Variants in MITF observed in about 807,000 individuals in gnomAD.
MITF encodes microphthalmia-associated transcription factor.
MITF carries 17 observed loss-of-function variants against 60.5 expected under a neutral mutation model. That is an observed-to-expected ratio of 0.28 (90% CI 0.19 to 0.42). MITF has a LOEUF of 0.42. Among genes scored for constraint, MITF ranks in the 10% least tolerant of loss-of-function variants. The pLI is 1.00. For missense variants in MITF, 622 were observed against 683.5 expected (o/e 0.91, Z 1.00); for synonymous variants, 260 against 248.5 (o/e 1.05, Z -0.43).
chr3:69,874,241 A>G (rs1017569152), intron 1 of MITF, among the ~76,000 whole-genome samples: 1 of 152,246 alleles, frequency 6.6e-6, no homozygotes, highest in African/African-American at 2.4e-5. Context: ...AGATTTGCAG[A>G]ATAAATTATC....
At chr3:69,846,157 A>ATT (rs2063729275) in intron 1 of MITF, among the ~76,000 whole-genome samples, 1 of 101,678 alleles carries the variant, frequency 9.8e-6, no homozygotes. Context: ...TTTAACAGAG[A>ATT]TCTAAATTAA....
chr3:69,753,711 A>G (rs978571292), intron 1 of MITF, among the ~76,000 whole-genome samples: 8 of 152,334 alleles, frequency 5.3e-5, no homozygotes, highest in Admixed American at 2.0e-4. Flanking sequence ...TTAAGACTTA[A>G]TGACTGCCCT....
At position 69,965,249 on chromosome 3, in the gene MITF, C is replaced by T. The variant is rs773498863; in HGVS notation, c.*1C>T. On this transcript the variant is annotated 3_prime_UTR_variant, in exon 10 of 10. Transcript: ENST00000352241. ...GGAAGAGACGGAGCACACTTGTTAG[C>T]GAATCCTCCCTGCACTGCATTCGCA... The T allele has an allele frequency of 6.8e-6, 11 of 1,613,548 alleles. No homozygotes were observed. Among genetic ancestry groups the T allele is most frequent in the African/African-American group, 2.7e-5 (2 of 74,912 alleles).
chr3:69,931,915 T>G (rs937895713), intron 2 of MITF, among the ~76,000 whole-genome samples: 3 of 152,222 alleles, frequency 2.0e-5, no homozygotes, highest in African/African-American at 7.2e-5. Flanking sequence ...GCAAGTTGTT[T>G]AGGTTTCCTC....
intron 1 of MITF, among the ~76,000 whole-genome samples, chr3:69,745,250 A>T (rs768166512): frequency 6.6e-6 from 1 of 152,148 alleles, no homozygotes; most frequent in Non-Finnish European, 1.5e-5. Flanking sequence ...TGGGGCCTGG[A>T]GTTAAACTGA....
chr3:69,869,793 T>C (rs912115395), intron 1 of MITF, among the ~76,000 whole-genome samples: 2 of 152,098 alleles, frequency 1.3e-5, no homozygotes, highest in Non-Finnish European at 2.9e-5. Context: ...AAGGAACCGA[T>C]AGGCTGAATC....
intron 1 of MITF, among the ~76,000 whole-genome samples, chr3:69,825,833 A>G (rs566999654): frequency 3.8e-4 from 58 of 152,318 alleles, no homozygotes; most frequent in African/African-American, 1.4e-3. Context: ...ACACAAAAAT[A>G]TAGCAAAACA....
chr3:69,930,987 G>A (rs1483963416), intron 2 of MITF, among the ~76,000 whole-genome samples: 1 of 152,204 alleles, frequency 6.6e-6, no homozygotes, highest in African/African-American at 2.4e-5. Flanking sequence ...CAATCAGAAA[G>A]CTATGATACA....
chr3:69,785,307 A>C (rs1043343819), intron 1 of MITF, among the ~76,000 whole-genome samples: 2 of 152,160 alleles, frequency 1.3e-5, no homozygotes, highest in African/African-American at 4.8e-5. Context: ...ATTTAACAGC[A>C]GTAGTGAGCA....
intron 2 of MITF, among the ~76,000 whole-genome samples, chr3:69,892,554 T>C (rs2064783390): frequency 6.6e-6 from 1 of 152,208 alleles, no homozygotes; most frequent in Admixed American, 6.5e-5. Context: ...AGACAGTATT[T>C]TTACTGCCAT....
rs117453182 is a variant in MITF, at chr3:69,899,759, G to A, written c.354+20376G>A. 3.7e-4 allele frequency among the ~76,000 whole-genome samples: 57 copies of A among 152,240 alleles called. No individual in the cohort carries two copies. The East Asian group carries it at 8.3e-3, about 22-fold the overall frequency. On this transcript the variant is annotated intron_variant, in intron 2 of 9. Coordinates refer to ENST00000352241, the MANE Select transcript of MITF (RefSeq NM_001354604.2). The stretch of plus-strand genomic sequence containing the variant: ...GAAGACTTGGAGAATGTCTTCTAAG[G>A]ACTGCATAAGCTATAACTTCAGGAG...
At chr3:69,760,287 A>G (rs1439889739) in intron 1 of MITF, among the ~76,000 whole-genome samples, 1 of 152,164 alleles carries the variant, frequency 6.6e-6, no homozygotes. Flanking sequence ...AGCAAAAAGC[A>G]GTAGGATTGA....
At chr3:69,815,348 C>A (rs2063165363) in intron 1 of MITF, among the ~76,000 whole-genome samples, 1 of 152,106 alleles carries the variant, frequency 6.6e-6, no homozygotes, top group African/African-American at 2.4e-5. Context: ...TTGGGTCCAC[C>A]TGTACGTGAT....
At position 69,964,691 on chromosome 3, in the gene MITF, ACTTTACATTCCC is replaced by A. The variant is rs1294376857; in HGVS notation, c.1180-155_1180-144del. Among the ~76,000 whole-genome samples, 82 of 149,178 alleles carry A rather than the reference ACTTTACATTCCC, an allele frequency of 5.5e-4. 39 individuals carry two copies. Among genetic ancestry groups the A allele is most frequent in the African/African-American group, 1.0e-3 (40 of 40,076 alleles). The stretch of plus-strand genomic sequence containing the variant: ...CATTTCATTATCCTCCAAAGTCTAT[ACTTTACATTCCC>A]TCTGGTATTGTACATTTTGTGGGTT... On this transcript the variant is annotated intron_variant, in intron 9 of 9. Coordinates refer to ENST00000352241, the MANE Select transcript of MITF (RefSeq NM_001354604.2).
At chr3:69,906,305 G>A (rs116984210) in intron 2 of MITF, among the ~76,000 whole-genome samples, 2,327 of 152,192 alleles carry the variant, frequency 0.015, 27 homozygotes, top group Middle Eastern at 0.051. Context: ...GTCCTGGTCT[G>A]TTTTTCTTCC....
intron 2 of MITF, among the ~76,000 whole-genome samples, chr3:69,886,301 C>T (rs894044778): frequency 1.3e-5 from 2 of 152,084 alleles, no homozygotes; most frequent in African/African-American, 2.4e-5. Flanking sequence ...GGCAATTGTG[C>T]CTCCTTGACA....
chr3:69,743,411 T>C (rs767138480), intron 1 of MITF, among the ~76,000 whole-genome samples: 4 of 152,260 alleles, frequency 2.6e-5, no homozygotes, highest in Non-Finnish European at 5.9e-5. Context: ...AATAGATACC[T>C]ACTAGGCTTT....
chr3:69,949,227 A>AAAGTTATTGGG, intron 6 of MITF, 59 bp downstream of exon 6: 2 of 1,309,534 alleles, frequency 1.5e-6, no homozygotes, highest in East Asian at 4.6e-5. Flanking sequence ...CTGATAAGAC[A>AAAGTTATTGGG]AAGTTATTGA....
intron 1 of MITF, among the ~76,000 whole-genome samples, chr3:69,873,941 G>T (rs2064294328): frequency 6.6e-6 from 1 of 152,108 alleles, no homozygotes; most frequent in Non-Finnish European, 1.5e-5. Context: ...TTGAGATGAA[G>T]TTCTCAGCGA....
Sources: gnomAD v4.1 joint callset for allele counts (sites outside exome capture counted in the v4.1 genomes callset) on GRCh38, gnomAD v4.1.1 for gene constraint, MANE v1.5 for transcripts, NCBI Gene and HGNC (gene_info 2026-07-23, HGNC 2026-07-21) for gene names.